MMAA: variants seen among roughly 807,000 people sequenced by gnomAD.
MMAA encodes the protein methylmalonic aciduria type A protein, mitochondrial.
A neutral mutation model predicts 45.0 loss-of-function variants in MMAA; 41 were observed. The observed-to-expected ratio is 0.91, with a 90% CI of 0.71 to 1.18. The LOEUF is 1.18. MMAA is among the 50% of genes most tolerant of loss of function. The pLI is 0.00. For synonymous variants in MMAA, 154 were observed against 178.2 expected, an observed-to-expected ratio of 0.86 and a Z score of 1.08; for missense variants, 460 against 495.7, an observed-to-expected ratio of 0.93 and a Z score of 0.68.
rs1734272925 is a variant in MMAA, at chr4:145,629,262, C to T, written c.-65-9813C>T. Among the ~76,000 whole-genome samples the T allele has an allele frequency of 3.3e-5, 5 of 152,182 alleles. No individual in the cohort carries two copies. The South Asian group carries it at 1.0e-3, about 32-fold the overall frequency. ...TCTCCTGCCTCAGCCTCCCGTGTAG[C>T]TGGGACTACAGGCACCCACCACCAC... is the stretch of plus-strand genomic sequence containing the variant. On this transcript the variant is annotated intron_variant, in intron 1 of 6. Transcript: ENST00000649156.
intron 1 of MMAA, among the ~76,000 whole-genome samples, chr4:145,636,473 C>T (rs1727614026): frequency 6.6e-6 from 1 of 152,202 alleles, no homozygotes; most frequent in South Asian, 2.1e-4. Flanking sequence ...GCCCACAAGA[C>T]AAAATTTAAT....
At chr4:145,620,271 A>G (rs1734063669) in intron 1 of MMAA, among the ~76,000 whole-genome samples, 1 of 152,230 alleles carries the variant, frequency 6.6e-6, no homozygotes, top group Admixed American at 6.5e-5. Context: ...TAAGGGCTGT[A>G]TTCTATTAGG....
rs1472469494 is a variant in MMAA at position 145,657,952 on chromosome 4, G to A, written c.*2518G>A. On this transcript the variant is annotated 3_prime_UTR_variant, in exon 7 of 7. Transcript: ENST00000649156. ...GTATGGATTAGATCAGATCTCTCAT[G>A]AATGACTTGGGCCATCCTTTGGGTG... The A allele has an allele frequency of 6.6e-6, 1 of 152,258 alleles. No individual in the cohort carries two copies. Among genetic ancestry groups the A allele is most frequent in the Admixed American group, 6.5e-5 (1 of 15,280 alleles). The allele number at this position is 152,258 out of a possible 1,614,324, so 9.4% of individuals were successfully genotyped here.
intron 3 of MMAA, among the ~76,000 whole-genome samples, chr4:145,645,547 A>G (rs1727906096): frequency 6.6e-6 from 1 of 152,242 alleles, no homozygotes; most frequent in Non-Finnish European, 1.5e-5. Flanking sequence ...GAGCCAGAAT[A>G]CAGACCCTGG....
chr4:145,624,756 C>T (rs1734164892), intron 1 of MMAA: 2 of 1,598,286 alleles, frequency 1.3e-6, no homozygotes, highest in Non-Finnish European at 1.7e-6. Context: ...CTTCTCCTCA[C>T]AATTCTCATC....
At chr4:145,632,988 C>T (rs1727498932) in intron 1 of MMAA, among the ~76,000 whole-genome samples, 2 of 151,788 alleles carry the variant, frequency 1.3e-5, no homozygotes, top group Admixed American at 1.3e-4. Context: ...TTCAAGGGAT[C>T]TGTATGCCTT....
rs1727814831 is a variant in MMAA at position 145,642,474 on chromosome 4, G to A, written c.551G>A (p.Cys184Tyr). The change falls in exon 3 of 7, where the codon TGT becomes TAT. Residue 184 changes from cysteine to tyrosine, a missense_variant. Cys to Tyr is a radical substitution (Grantham distance 194, BLOSUM62 -2). Transcript: ENST00000649156. ...LSVLAVDPSS[C>Y]TSGGSLLGDK... ...GTGCTAGCTGTGGACCCTTCTTCTT[G>A]TACTAGTGGTGGTAAGTATGGCTGA... 1.9e-6 allele frequency: 3 copies of A among 1,614,034 alleles called. No homozygotes were observed. Among genetic ancestry groups the A allele is most frequent in the East Asian group, 2.2e-5 (1 of 44,886 alleles).
chr4:145,627,241 A>G (rs904023399), intron 1 of MMAA, among the ~76,000 whole-genome samples: 5 of 152,206 alleles, frequency 3.3e-5, no homozygotes, highest in African/African-American at 1.2e-4. Context: ...CATGTAGTAA[A>G]GCTTTTGTTA....
In MMAA at chr4:145,642,349, T is replaced by C; in HGVS notation, c.440-14T>C. ...ATTTGTTTCATTGAATTAGAAGATC[T>C]CTTTCCACCGTAGGATTGTCTGGGC... On this transcript the variant is annotated splice_polypyrimidine_tract_variant and intron_variant, in intron 2 of 6. Transcript: ENST00000649156. 6.2e-7 allele frequency: 1 copy of C among 1,613,602 alleles called. No homozygotes were observed. Among genetic ancestry groups the C allele is most frequent in the Admixed American group, 1.7e-5 (1 of 60,032 alleles).
At chr4:145,644,289 T>C (rs1424700656) in intron 3 of MMAA, among the ~76,000 whole-genome samples, 1 of 152,222 alleles carries the variant, frequency 6.6e-6, no homozygotes, top group Non-Finnish European at 1.5e-5. Flanking sequence ...ACACAGAGAT[T>C]ATTTCATGCA....
In MMAA at chr4:145,656,093, C is replaced by G. The variant is rs749692437; in HGVS notation, c.*659C>G. 1.3e-5 allele frequency: 2 copies of G among 152,052 alleles called. No homozygotes were observed. Among genetic ancestry groups the G allele is most frequent in the Admixed American group, 6.5e-5 (1 of 15,270 alleles). 9.4% of individuals were successfully genotyped at this position (152,052 alleles called of 1,614,324 possible). On this transcript the variant is annotated 3_prime_UTR_variant, in exon 7 of 7. Coordinates refer to ENST00000649156, the MANE Select transcript of MMAA (RefSeq NM_172250.3). ...CTACAAATAAAATGGGTGACTAATC[C>G]CCAGTTCTTGGACCCATTATATTTG...
intron 5 of MMAA, among the ~76,000 whole-genome samples, chr4:145,653,634 C>T (rs558501194): frequency 6.6e-6 from 1 of 152,296 alleles, no homozygotes; most frequent in Non-Finnish European, 1.5e-5. Flanking sequence ...TTTTTAAGCA[C>T]CTTAATGATG....
At chr4:145,632,091 T>A (rs1727458705) in intron 1 of MMAA, among the ~76,000 whole-genome samples, 1 of 152,240 alleles carries the variant, frequency 6.6e-6, no homozygotes, top group African/African-American at 2.4e-5. Context: ...TACTTTCTAT[T>A]ACCAGTGAGT....
intron 1 of MMAA, among the ~76,000 whole-genome samples, chr4:145,623,176 C>A (rs1189154540): frequency 1.3e-5 from 2 of 152,182 alleles, no homozygotes; most frequent in Non-Finnish European, 2.9e-5. Context: ...TAAAATGTCA[C>A]TTTTGGAGGT....
chr4:145,620,385 A>T (rs1361385505), intron 1 of MMAA, among the ~76,000 whole-genome samples: 2 of 152,250 alleles, frequency 1.3e-5, no homozygotes, highest in Non-Finnish European at 2.9e-5. Context: ...GAATGGAAAG[A>T]GCTGGTGAAT....
chr4:145,628,915 A>G (rs542971536), intron 1 of MMAA, among the ~76,000 whole-genome samples: 1 of 152,296 alleles, frequency 6.6e-6, no homozygotes, highest in African/African-American at 2.4e-5. Context: ...GAGGGTGTCA[A>G]TGTGTGTTTA....
At chr4:145,636,956 G>T (rs1727632582) in intron 1 of MMAA, among the ~76,000 whole-genome samples, 1 of 152,180 alleles carries the variant, frequency 6.6e-6, no homozygotes, top group Non-Finnish European at 1.5e-5. Flanking sequence ...TTTGGAAAAA[G>T]AGTCTTTGCA....
At chr4:145,649,078 C>G (rs1401292841) in intron 4 of MMAA, among the ~76,000 whole-genome samples, 1 of 148,008 alleles carries the variant, frequency 6.8e-6, no homozygotes, top group Non-Finnish European at 1.5e-5. Flanking sequence ...TGCTTGAGCC[C>G]AGGAGTTTGA....
chr4:145,646,813 G>C (rs927690668), intron 4 of MMAA, among the ~76,000 whole-genome samples: 1 of 152,190 alleles, frequency 6.6e-6, no homozygotes. Context: ...GAGAAAACAT[G>C]GCCCATCCAG....
Sources: allele counts gnomAD v4.1 joint callset (sites outside exome capture counted in the v4.1 genomes callset), GRCh38; gene constraint gnomAD v4.1.1; transcripts MANE v1.5; gene names NCBI Gene and HGNC (gene_info 2026-07-23, HGNC 2026-07-21).